The following PCDHA1 variants were observed in gnomAD, a reference collection of about 807,000 sequenced individuals.
The protein encoded by PCDHA1 is protocadherin alpha 1.
In PCDHA1, 42 loss-of-function variants were observed where a neutral mutation model predicts 61.3. That is an observed-to-expected ratio of 0.69 (90% CI 0.54 to 0.89). The LOEUF is 0.89. Ranked by LOEUF, PCDHA1 falls within the 40% of genes least tolerant of loss-of-function variation. The pLI is 0.00. For synonymous variants in PCDHA1, 610 were observed against 553.8 expected, an observed-to-expected ratio of 1.10 and a Z score of -1.43; for missense variants, 1,256 against 1,235.3, an observed-to-expected ratio of 1.02 and a Z score of -0.25.
At chr5:140,883,920 T>C in intron 1 of PCDHA1, 1 of 1,613,492 alleles carries the variant, frequency 6.2e-7, no homozygotes, top group Non-Finnish European at 8.5e-7. Flanking sequence ...AACGTGACGC[T>C]GCAGGTGTTC....
chr5:141,006,157 A>G (rs2098258108), intron 3 of PCDHA1, among the ~76,000 whole-genome samples: 1 of 150,182 alleles, frequency 6.7e-6, no homozygotes, highest in Non-Finnish European at 1.5e-5. Context: ...GGAGTGATAT[A>G]ATCTGATTTA....
chr5:140,788,622 C>A lies in PCDHA1; in HGVS notation c.2332C>A (p.Pro778Thr). The A allele has an allele frequency of 6.2e-7, 1 of 1,613,414 alleles. No individual in the cohort carries two copies. The highest frequency in any genetic ancestry group is 1.1e-5 in the South Asian group (1 of 91,046). The change falls in exon 1 of 4, where the codon CCA becomes ACA. Residue 778 changes from proline to threonine, a missense_variant. Coordinates refer to ENST00000504120, the MANE Select transcript of PCDHA1 (RefSeq NM_018900.4). Reference sequence around the variant, plus strand: ...CATGGCCTTCAGCCCAGGCCTATCTCCAAGTCTTAACACGTCAGAAAGAAA... The same window carrying A: ...CATGGCCTTCAGCCCAGGCCTATCTACAAGTCTTAACACGTCAGAAAGAAA... Reference protein sequence around the residue: ...DLMAFSPGLSPSLNTSERNEQ... With the variant: ...DLMAFSPGLSTSLNTSERNEQ...
At chr5:140,975,634 A>G (rs1457671890) in intron 1 of PCDHA1, among the ~76,000 whole-genome samples, 4 of 152,244 alleles carry the variant, frequency 2.6e-5, no homozygotes, top group African/African-American at 9.6e-5. Context: ...TGGTACGAAG[A>G]TAGCATATTA....
At chr5:140,809,791 T>C in intron 1 of PCDHA1, 1 of 468,178 alleles carries the variant, frequency 2.1e-6, no homozygotes, top group Non-Finnish European at 3.7e-6. Context: ...TTAACAGAAC[T>C]GTAATTTCTA....
At chr5:140,944,077 G>A (rs913476675) in intron 1 of PCDHA1, among the ~76,000 whole-genome samples, 1 of 152,204 alleles carries the variant, frequency 6.6e-6, no homozygotes, top group Non-Finnish European at 1.5e-5. Context: ...TAAAGATAAA[G>A]GAGGCCTGAG....
rs138770922 is a variant in PCDHA1 at position 140,787,611 on chromosome 5, G to C, written c.1321G>C (p.Val441Leu). The change falls in exon 1 of 4, where the codon GTG becomes CTG. Residue 441 changes from valine to leucine, a missense_variant. Coordinates refer to ENST00000504120, the MANE Select transcript of PCDHA1 (RefSeq NM_018900.4). The part of the protein sequence containing the change: ...GSPSLWATAR[V>L]SVEVADVNDN... ...GCCTTCGCTGTGGGCCACGGCCAGG[G>C]TGTCCGTGGAGGTGGCCGACGTGAA... 9.3e-6 allele frequency: 15 copies of C among 1,614,072 alleles called. No homozygotes were observed. Among genetic ancestry groups the C allele is most frequent in the Non-Finnish European group, 1.3e-5 (15 of 1,179,994 alleles).
intron 1 of PCDHA1, chr5:140,825,004 C>T (rs1554130121): frequency 6.6e-6 from 1 of 151,952 alleles, no homozygotes; most frequent in East Asian, 1.9e-4. Context: ...ACATGGTTTA[C>T]TGTTCTAAAG....
chr5:140,850,518 G>A, intron 1 of PCDHA1: 1 of 1,598,310 alleles, frequency 6.3e-7, no homozygotes, highest in South Asian at 1.1e-5. Flanking sequence ...GAGCGGCCAG[G>A]CGCCAAAGTC....
At chr5:140,871,596 C>G in intron 1 of PCDHA1, 2 of 1,453,962 alleles carry the variant, frequency 1.4e-6, no homozygotes, top group South Asian at 2.9e-5. Flanking sequence ...TATGAATAAC[C>G]AGTGTTTTGA....
chr5:140,871,748 A>T (rs1298018715), intron 1 of PCDHA1: 3 of 637,032 alleles, frequency 4.7e-6, no homozygotes, highest in Non-Finnish European at 7.7e-6. Flanking sequence ...TCCTAAAAGA[A>T]ATGAGATGCA....
intron 3 of PCDHA1, among the ~76,000 whole-genome samples, chr5:140,995,529 C>T (rs1191657600): frequency 6.6e-6 from 1 of 152,078 alleles, no homozygotes. Context: ...GAAATCAAAC[C>T]TCAAATAAGG....
rs1310366696 is a variant in PCDHA1 at position 140,890,210 on chromosome 5, T to A, written c.2395-88739T>A. Among the ~76,000 whole-genome samples the A allele has an allele frequency of 5.3e-5, 8 of 152,148 alleles. 1 individual carries two copies. Among genetic ancestry groups the A allele is most frequent in the Admixed American group, 3.3e-4 (5 of 15,270 alleles). On this transcript the variant is annotated intron_variant, in intron 1 of 3. Coordinates refer to ENST00000504120, the MANE Select transcript of PCDHA1 (RefSeq NM_018900.4). ...AACAGAGTTTTTTGTTTTTCTTTTT[T>A]CCCAGAGACCTAGTTGTTAAGCATT... is the stretch of plus-strand genomic sequence containing the variant.
chr5:140,864,279 T>C (rs1554158753), intron 1 of PCDHA1: 1 of 152,238 alleles, frequency 6.6e-6, no homozygotes, highest in African/African-American at 2.4e-5. Context: ...CCATTCCTTA[T>C]TGTTTTTATG....
chr5:140,844,193 C>G (rs2150369320), intron 1 of PCDHA1, among the ~76,000 whole-genome samples: 1 of 149,542 alleles, frequency 6.7e-6, no homozygotes, highest in East Asian at 1.9e-4. Flanking sequence ...TCTTATCTGA[C>G]TTTTTAGTGT....
chr5:140,991,413 A>G (rs2097451025), intron 3 of PCDHA1, among the ~76,000 whole-genome samples: 1 of 152,228 alleles, frequency 6.6e-6, no homozygotes, highest in South Asian at 2.1e-4. Context: ...CCATTATGCT[A>G]TAACAAATTA....
intron 1 of PCDHA1, among the ~76,000 whole-genome samples, chr5:140,952,645 G>A (rs1396823510): frequency 6.6e-6 from 1 of 152,082 alleles, no homozygotes; most frequent in Non-Finnish European, 1.5e-5. Context: ...ACCTGTGCCT[G>A]GTTACCCAGT....
chr5:140,854,223 C>T, intron 1 of PCDHA1: 3 of 631,588 alleles, frequency 4.7e-6, no homozygotes, highest in Non-Finnish European at 5.9e-6. Context: ...TGGACATCTA[C>T]ATTGGGATAT....
At chr5:140,946,077 C>T (rs246055) in intron 1 of PCDHA1, among the ~76,000 whole-genome samples, 85,716 of 151,878 alleles carry the variant, frequency 0.56, 24,786 homozygotes, top group African/African-American at 0.69. Context: ...TTGCAAACCA[C>T]AGATCTGATA....
chr5:140,999,603 G>C (rs552647484), intron 3 of PCDHA1, among the ~76,000 whole-genome samples: 1 of 152,246 alleles, frequency 6.6e-6, no homozygotes, highest in South Asian at 2.1e-4. Flanking sequence ...TACATCCTGG[G>C]GGACCTTATC....
Sources: allele counts gnomAD v4.1 joint callset (sites outside exome capture counted in the v4.1 genomes callset), GRCh38; gene constraint gnomAD v4.1.1; transcripts MANE v1.5; gene names NCBI Gene and HGNC (gene_info 2026-07-23, HGNC 2026-07-21).